UBA6: variants seen among roughly 807,000 people sequenced by gnomAD.
UBA6 encodes ubiquitin-like modifier-activating enzyme 6.
In UBA6, 87 loss-of-function variants were observed where a neutral mutation model predicts 148.3. The observed-to-expected ratio is 0.59, with a 90% CI of 0.49 to 0.70. The LOEUF (loss-of-function observed/expected upper bound fraction) is 0.70. Ranked by LOEUF, UBA6 falls within the 30% of genes least tolerant of loss-of-function variation. UBA6 has a pLI of 0.00. For missense variants in UBA6, 1,186 were observed against 1,241.2 expected, an observed-to-expected ratio of 0.96 and a Z score of 0.67; for synonymous variants, 376 against 401.0, an observed-to-expected ratio of 0.94 and a Z score of 0.75.
At chr4:67,672,324 A>T (rs932549146) in intron 7 of UBA6, among the ~76,000 whole-genome samples, 1 of 152,214 alleles carries the variant, frequency 6.6e-6, no homozygotes, top group African/African-American at 2.4e-5. Context: ...ATATCACCAC[A>T]CATCATATAG....
rs546442640 is a variant in UBA6, at chr4:67,686,952, T to TAAAA, written c.135-4743_135-4740dup. On this transcript the variant is annotated intron_variant, in intron 2 of 32. Transcript: ENST00000322244. Reference sequence around the variant, plus strand: ...CTGGGCAACAGCAAGATCCTGTCTCTAAAAAAAAAAAAAAAAAAAAAAAAA... The same window carrying TAAAA: ...CTGGGCAACAGCAAGATCCTGTCTCTAAAAAAAAAAAAAAAAAAAAAAAAAAAAA... Among the ~76,000 whole-genome samples the TAAAA allele has an allele frequency of 6.1e-4, 35 of 57,186 alleles. 1 individual carries two copies. Among genetic ancestry groups the TAAAA allele is most frequent in the African/African-American group, 1.9e-3 (24 of 12,904 alleles). 37.5% of individuals were successfully genotyped at this position (57,186 alleles called of 152,430 possible). A position where few individuals can be genotyped will look rare whatever the true frequency, so the allele number is the denominator to read the frequency against.
chr4:67,694,918 T>C (rs1455305237), intron 2 of UBA6, among the ~76,000 whole-genome samples: 2 of 152,190 alleles, frequency 1.3e-5, no homozygotes, highest in African/African-American at 4.8e-5. Context: ...CACCAAAAGA[T>C]ACTCTCCGTC....
At chr4:67,671,646 T>C (rs1730152289) in intron 7 of UBA6, among the ~76,000 whole-genome samples, 1 of 152,202 alleles carries the variant, frequency 6.6e-6, no homozygotes, top group Non-Finnish European at 1.5e-5. Flanking sequence ...ACAACACGAA[T>C]GCTCTAGAGC....
chr4:67,625,070 T>C lies in UBA6; in HGVS notation c.2636A>G (p.Asp879Gly). 2 of 1,613,346 alleles carry C rather than the reference T, an allele frequency of 1.2e-6. No individual in the cohort carries two copies. The highest frequency in any genetic ancestry group is 1.7e-6 in the Non-Finnish European group (2 of 1,179,438). ...RAKMYSIEPA[D>G]RFKTKRIAGK... is the part of the protein sequence containing the mutation. ...AGCTATGCGCTTTGTTTTGAAACGG[T>C]CAGCTGGTTCAATGCTGTACATTTT... Residue 879 changes from aspartate to glycine, a missense_variant, in exon 29 of 33, where the codon GAC (aspartate) becomes GGC (glycine). Transcript: ENST00000322244.
At chr4:67,641,356 G>A (rs1729302019) in intron 17 of UBA6, 128 bp from the exon 18 acceptor site, 2 of 580,290 alleles carry the variant, frequency 3.4e-6, no homozygotes, top group Non-Finnish European at 6.0e-6. Flanking sequence ...AGGTCATAAT[G>A]ATACAAACAT....
chr4:67,654,261 G>GA (rs1246494746), intron 13 of UBA6, among the ~76,000 whole-genome samples: 15 of 152,086 alleles, frequency 9.9e-5, no homozygotes, highest in Non-Finnish European at 4.4e-5. Context: ...TAAAATGAAG[G>GA]AAAAAATGTT....
intron 4 of UBA6, among the ~76,000 whole-genome samples, chr4:67,680,166 A>T (rs1372434024): frequency 6.6e-6 from 1 of 152,198 alleles, no homozygotes; most frequent in Non-Finnish European, 1.5e-5. Flanking sequence ...AAACCAAGAA[A>T]GTCATGACTG....
intron 28 of UBA6, 27 bp from the exon 29 acceptor site, chr4:67,625,214 G>A (rs1560477052): frequency 6.5e-7 from 1 of 1,545,824 alleles, no homozygotes; most frequent in Non-Finnish European, 8.8e-7. Flanking sequence ...GATAAACAAA[G>A]TTCCACAGCA....
chr4:67,662,056 G>T, intron 13 of UBA6, 133 bp downstream of exon 13: 1 of 709,946 alleles, frequency 1.4e-6, no homozygotes, highest in South Asian at 1.9e-5. Context: ...AATTAAAACA[G>T]AACAAACTGA....
chr4:67,673,973 T>C (rs963642226), intron 6 of UBA6, among the ~76,000 whole-genome samples, 196 bp from the exon 7 acceptor site: 2 of 152,156 alleles, frequency 1.3e-5, no homozygotes, highest in Non-Finnish European at 2.9e-5. Flanking sequence ...AAATAACATA[T>C]ACAGGGGAAA....
At chr4:67,686,908 C>G (rs1398763799) in intron 2 of UBA6, among the ~76,000 whole-genome samples, 1 of 119,388 alleles carries the variant, frequency 8.4e-6, no homozygotes, top group East Asian at 2.5e-4. Context: ...GAGCTATGAT[C>G]ACGCCACTGC....
intron 2 of UBA6, among the ~76,000 whole-genome samples, chr4:67,684,800 C>T (rs1405250978): frequency 1.3e-5 from 2 of 152,222 alleles, no homozygotes; most frequent in Non-Finnish European, 2.9e-5. Flanking sequence ...AGTACCTGAA[C>T]TGTGCCTGGC....
chr4:67,674,433 A>G (rs574102017), intron 6 of UBA6, among the ~76,000 whole-genome samples: 1 of 152,304 alleles, frequency 6.6e-6, no homozygotes, highest in South Asian at 2.1e-4. Flanking sequence ...AGCTTGCTTT[A>G]AAACAGCCAG....
At position 67,624,160 on chromosome 4, in the gene UBA6, T is replaced by C. The variant is rs371535287; in HGVS notation, c.2806A>G (p.Thr936Ala). ...LNLAIPIVVF[T>A]ETTEVRKTKI... is the part of the protein sequence containing the mutation. ...GTTTTCCTTACTTCAGTTGTCTCTG[T>C]AAATACTACAATTGGAATGGCTAAG... is the stretch of plus-strand genomic sequence containing the variant. The change falls in exon 30 of 33, where the codon ACA (threonine) becomes GCA (alanine). Residue 936 changes from threonine to alanine, a missense_variant. Transcript: ENST00000322244. 1 of 1,607,936 alleles carries C rather than the reference T, an allele frequency of 6.2e-7. No homozygotes were observed. The highest frequency in any genetic ancestry group is 1.3e-5 in the African/African-American group (1 of 74,726).
In UBA6 at chr4:67,625,136, C is replaced by G; in HGVS notation, c.2570G>C (p.Gly857Ala). The G allele has an allele frequency of 3.7e-6, 6 of 1,612,572 alleles. No individual in the cohort carries two copies. Among genetic ancestry groups the G allele is most frequent in the Non-Finnish European group, 5.1e-6 (6 of 1,179,120 alleles). ...TGCAGCTGTGATGAAATCTATGTGT[C>G]CATTATGATCATCATCTTTTTCAAA... ...LSFEKDDDHN[G>A]HIDFITAASN... Residue 857 changes from glycine (G) to alanine (A), a missense_variant, in exon 29 of 33, where the codon GGA becomes GCA. Coordinates refer to ENST00000322244, the MANE Select transcript of UBA6 (RefSeq NM_018227.6).
In UBA6 at chr4:67,673,634, A is replaced by G. The variant is rs1181627129; in HGVS notation, c.546+63T>C. On this transcript the variant is annotated intron_variant, in intron 7 of 32. Coordinates refer to ENST00000322244, the MANE Select transcript of UBA6 (RefSeq NM_018227.6). ...TATATAACCCATCAATGAGTTAAAAATTCTACTAGTGAAAGTGTTCTTCCT... is the reference window on the plus strand; with the variant it reads ...TATATAACCCATCAATGAGTTAAAAGTTCTACTAGTGAAAGTGTTCTTCCT... The G allele has an allele frequency of 1.1e-5, 13 of 1,136,236 alleles. No homozygotes were observed. The Admixed American group carries it at 2.5e-4, about 22-fold the overall frequency. 70.4% of individuals were successfully genotyped at this position (1,136,236 alleles called of 1,614,324 possible).
intron 25 of UBA6, 126 bp from the exon 26 acceptor site, chr4:67,630,661 T>C: frequency 2.3e-6 from 1 of 425,900 alleles, no homozygotes; most frequent in South Asian, 5.1e-5. Flanking sequence ...TTATTTCAAG[T>C]TTTTTTTTTT....
chr4:67,634,714 T>C (rs1456413764), intron 20 of UBA6, among the ~76,000 whole-genome samples, 196 bp from the exon 21 acceptor site: 1 of 152,136 alleles, frequency 6.6e-6, no homozygotes, highest in Non-Finnish European at 1.5e-5. Flanking sequence ...TGTTAATAGC[T>C]ATGTAATGCC....
In UBA6 at chr4:67,681,593, T is replaced by C; in HGVS notation, c.230-2A>G. ...TCCCTGCAAGAACAAGATTCTTTGCTAGAAAGGCAAAAGAAAAAGGAATAG... is the reference window on the plus strand; with the variant it reads ...TCCCTGCAAGAACAAGATTCTTTGCCAGAAAGGCAAAAGAAAAAGGAATAG... On this transcript the variant is annotated splice_acceptor_variant, in intron 3 of 32. Coordinates refer to ENST00000322244, the MANE Select transcript of UBA6 (RefSeq NM_018227.6). LOFTEE classifies it high-confidence loss of function. The C allele has an allele frequency of 6.3e-7, 1 of 1,580,920 alleles. No homozygotes were observed. Among genetic ancestry groups the C allele is most frequent in the Non-Finnish European group, 8.6e-7 (1 of 1,168,462 alleles).
Sources: gnomAD v4.1 joint callset for allele counts (sites outside exome capture counted in the v4.1 genomes callset) on GRCh38, gnomAD v4.1.1 for gene constraint, MANE v1.5 for transcripts, NCBI Gene and HGNC (gene_info 2026-07-23, HGNC 2026-07-21) for gene names.